The following LINGO2 variants were observed in gnomAD, a reference collection of about 807,000 sequenced individuals.
LINGO2 encodes the protein leucine rich repeat and Ig domain containing 2.
LINGO2 carries 14 observed loss-of-function variants against 30.6 expected under a neutral mutation model. The ratio of observed to expected loss-of-function variants is 0.46; its 90% confidence interval spans 0.30 to 0.72. The LOEUF (loss-of-function observed/expected upper bound fraction) is 0.72. Ranked by LOEUF, LINGO2 falls within the 30% of genes least tolerant of loss-of-function variation. The pLI is 0.07. For missense variants in LINGO2, 729 were observed against 751.7 expected (o/e 0.97, Z 0.35); for synonymous variants, 317 against 288.5 (o/e 1.10, Z -1.00).
the LINGO2 span, among the ~76,000 whole-genome samples, chr9:28,745,228 A>C: frequency 2.0e-5 from 3 of 152,034 alleles, no homozygotes; most frequent in Non-Finnish European, 4.4e-5. Context: ...CCCCTGAGTC[A>C]GAGTACTTAT....
At chr9:28,906,273 G>A in the LINGO2 span, among the ~76,000 whole-genome samples, 1 of 151,788 alleles carries the variant, frequency 6.6e-6, no homozygotes, top group African/African-American at 2.4e-5. Flanking sequence ...TTATATTTAT[G>A]AAAATTGCTA....
intron 4 of LINGO2, among the ~76,000 whole-genome samples, chr9:28,172,971 T>G (rs1419784706): frequency 6.6e-6 from 1 of 152,208 alleles, no homozygotes; most frequent in Non-Finnish European, 1.5e-5. Context: ...AATTACAAAC[T>G]TGTTGAAACT....
At chr9:29,108,961 C>A in the LINGO2 span, among the ~76,000 whole-genome samples, 1 of 152,130 alleles carries the variant, frequency 6.6e-6, no homozygotes, top group Admixed American at 6.5e-5. Flanking sequence ...CTATCCTTGA[C>A]TTAGATGAAA....
intron 1 of LINGO2, among the ~76,000 whole-genome samples, chr9:28,543,558 G>C (rs952622461): frequency 1.3e-5 from 2 of 151,938 alleles, no homozygotes; most frequent in Admixed American, 6.6e-5. Flanking sequence ...TATGAATTTT[G>C]AGTTTAAGCC....
chr9:28,839,880 G>A, the LINGO2 span, among the ~76,000 whole-genome samples: 1 of 152,112 alleles, frequency 6.6e-6, no homozygotes, highest in South Asian at 2.1e-4. Context: ...ATGCTGAGGG[G>A]TGCCTGCAGG....
chr9:28,287,623 A>G (rs1020717325), intron 4 of LINGO2, among the ~76,000 whole-genome samples: 1 of 152,168 alleles, frequency 6.6e-6, no homozygotes, highest in Non-Finnish European at 1.5e-5. Flanking sequence ...AAACACAGTG[A>G]TTGATGTGAT....
chr9:29,102,892 T>C, the LINGO2 span, among the ~76,000 whole-genome samples: 8 of 152,086 alleles, frequency 5.3e-5, no homozygotes, highest in Non-Finnish European at 8.8e-5. Flanking sequence ...ACAATCTCCA[T>C]TGAAAGGAAG....
intron 1 of LINGO2, among the ~76,000 whole-genome samples, chr9:28,550,078 C>T (rs1822194739): frequency 6.6e-6 from 1 of 151,782 alleles, no homozygotes; most frequent in African/African-American, 2.4e-5. Flanking sequence ...ATTTTAAATT[C>T]AATGTGTCTA....
chr9:28,556,646 C>A (rs2135530026), intron 1 of LINGO2, among the ~76,000 whole-genome samples: 1 of 152,114 alleles, frequency 6.6e-6, no homozygotes, highest in Middle Eastern at 3.4e-3. Flanking sequence ...GAAAAAACTA[C>A]TTTAAAGTTC....
chr9:28,601,651 C>T (rs937686919), intron 1 of LINGO2, among the ~76,000 whole-genome samples: 15 of 152,010 alleles, frequency 9.9e-5, no homozygotes, highest in African/African-American at 3.1e-4. Flanking sequence ...ATTTCACATT[C>T]GTTAGCACCT....
chr9:28,146,142 C>A (rs150637575), intron 4 of LINGO2, among the ~76,000 whole-genome samples: 1 of 152,190 alleles, frequency 6.6e-6, no homozygotes, highest in Non-Finnish European at 1.5e-5. Context: ...AGCCCTCATT[C>A]GTTATGAACT....
chr9:28,361,895 G>A lies in LINGO2; in HGVS notation c.-246+10941C>T, dbSNP rs1587541663. ...TTTAAAGATGAAGACACTGAATCTC[G>A]GGTTGAGTGATTTTCTAAGGTCACA... On this transcript the variant is annotated intron_variant, in intron 3 of 5. Coordinates refer to ENST00000379992, the Ensembl canonical transcript of LINGO2. 3.9e-5 allele frequency among the ~76,000 whole-genome samples: 6 copies of A among 152,182 alleles called. 1 individual carries two copies. The Middle Eastern group carries it at 0.014, about 345-fold the overall frequency.
At chr9:28,260,806 T>C (rs190212965) in intron 4 of LINGO2, among the ~76,000 whole-genome samples, 6 of 152,078 alleles carry the variant, frequency 3.9e-5, no homozygotes, top group Admixed American at 3.9e-4. Context: ...CTTCCTTTAG[T>C]CTCATATGAC....
At chr9:28,669,137 C>T (rs1330509477) in intron 1 of LINGO2, among the ~76,000 whole-genome samples, 1 of 151,496 alleles carries the variant, frequency 6.6e-6, no homozygotes, top group Non-Finnish European at 1.5e-5. Flanking sequence ...TTCTTTGAAC[C>T]CCAAGATCCC....
At chr9:29,110,254 G>C in the LINGO2 span, among the ~76,000 whole-genome samples, 1 of 152,188 alleles carries the variant, frequency 6.6e-6, no homozygotes, top group Non-Finnish European at 1.5e-5. Context: ...CAAATGTCTT[G>C]ATAGTTCTGG....
intron 1 of LINGO2, among the ~76,000 whole-genome samples, chr9:28,536,150 C>A (rs1821428872): frequency 6.6e-6 from 1 of 151,968 alleles, no homozygotes; most frequent in African/African-American, 2.4e-5. Flanking sequence ...ACATCAGAAC[C>A]CGAAGATACA....
At chr9:28,820,824 T>C in the LINGO2 span, among the ~76,000 whole-genome samples, 1 of 152,190 alleles carries the variant, frequency 6.6e-6, no homozygotes, top group Non-Finnish European at 1.5e-5. Flanking sequence ...AGGCCAATAA[T>C]CAATTTGCTT....
chr9:28,893,971 A>G, the LINGO2 span, among the ~76,000 whole-genome samples: 22 of 148,946 alleles, frequency 1.5e-4, no homozygotes, highest in African/African-American at 5.2e-4. Context: ...CTCATTGTTC[A>G]ATTCCCATCT....
chr9:28,678,649 G>C, the LINGO2 span, among the ~76,000 whole-genome samples: 2 of 152,042 alleles, frequency 1.3e-5, no homozygotes, highest in African/African-American at 4.8e-5. Flanking sequence ...TGGTTGTGAG[G>C]ACTGAGTTTA....
Sources: allele counts gnomAD v4.1 joint callset (sites outside exome capture counted in the v4.1 genomes callset), GRCh38; gene constraint gnomAD v4.1.1; transcripts MANE v1.5; gene names NCBI Gene and HGNC (gene_info 2026-07-23, HGNC 2026-07-21).